The following IL15 variants were observed in gnomAD, a reference collection of about 807,000 sequenced individuals.
IL15 encodes interleukin-15.
IL15 carries 11 observed loss-of-function variants against 19.6 expected under a neutral mutation model. The observed-to-expected ratio is 0.56, with a 90% CI of 0.35 to 0.93. The LOEUF is 0.93. IL15 is among the 40% of genes least tolerant of loss of function. IL15 has a pLI of 0.01. For synonymous variants in IL15, 58 were observed against 59.6 expected (o/e 0.97, Z 0.12); for missense variants, 197 against 186.5 (o/e 1.06, Z -0.33).
chr4:141,702,393 A>C (rs1440306238), intron 2 of IL15, among the ~76,000 whole-genome samples: 1 of 152,212 alleles, frequency 6.6e-6, no homozygotes, highest in Non-Finnish European at 1.5e-5. Context: ...CAAAGGATCC[A>C]GTGATGTGAC....
chr4:141,681,598 C>T (rs1728534454), intron 2 of IL15, among the ~76,000 whole-genome samples: 1 of 152,098 alleles, frequency 6.6e-6, no homozygotes, highest in South Asian at 2.1e-4. Flanking sequence ...TCTAGCATGA[C>T]AGTGGGTACC....
chr4:141,651,246 CAGCCATAAAAATATTA>C (rs1382738450), intron 1 of IL15, among the ~76,000 whole-genome samples: 3 of 151,658 alleles, frequency 2.0e-5, no homozygotes, highest in Non-Finnish European at 2.9e-5. Context: ...AAATACTATT[CAGCCATAAAAATATTA>C]AAATCACGTC....
At chr4:141,710,601 G>A (rs892755642) in intron 2 of IL15, among the ~76,000 whole-genome samples, 1 of 151,798 alleles carries the variant, frequency 6.6e-6, no homozygotes, top group Non-Finnish European at 1.5e-5. Context: ...AATGATTACT[G>A]GTATGTTTAG....
intron 2 of IL15, chr4:141,719,065 T>C (rs1319787232): frequency 6.0e-6 from 1 of 165,540 alleles, no homozygotes; most frequent in Non-Finnish European, 1.3e-5. Context: ...TTTACTAGTA[T>C]GACTCTGGAA....
chr4:141,641,579 A>G (rs1025772375), intron 1 of IL15, among the ~76,000 whole-genome samples: 2 of 151,896 alleles, frequency 1.3e-5, no homozygotes, highest in Middle Eastern at 3.4e-3. Flanking sequence ...TTCTCAGCAA[A>G]CTATTGCAAG....
At chr4:141,687,419 T>C (rs1236852609) in intron 2 of IL15, among the ~76,000 whole-genome samples, 2 of 152,332 alleles carry the variant, frequency 1.3e-5, no homozygotes, top group East Asian at 3.9e-4. Context: ...GCCTGCCTGC[T>C]GACAGCATCT....
chr4:141,712,933 A>AT (rs570520365), intron 2 of IL15, among the ~76,000 whole-genome samples: 30 of 150,768 alleles, frequency 2.0e-4, no homozygotes, highest in South Asian at 4.2e-4. Flanking sequence ...TTACCTAATC[A>AT]TTTTTTTTTG....
intron 2 of IL15, among the ~76,000 whole-genome samples, chr4:141,690,599 C>G (rs796709373): frequency 3.9e-5 from 6 of 152,284 alleles, no homozygotes; most frequent in African/African-American, 1.4e-4. Flanking sequence ...GGTTCTTATG[C>G]GGACTACTAC....
chr4:141,722,410 G>A (rs1007249703), intron 5 of IL15, among the ~76,000 whole-genome samples: 12 of 152,066 alleles, frequency 7.9e-5, no homozygotes, highest in Non-Finnish European at 1.5e-4. Flanking sequence ...GCCATAGCAG[G>A]TAATACCAGC....
chr4:141,708,041 A>G (rs1337772613), intron 2 of IL15, among the ~76,000 whole-genome samples: 2 of 152,198 alleles, frequency 1.3e-5, no homozygotes, highest in Non-Finnish European at 2.9e-5. Context: ...CAGCAAGGCC[A>G]TGCAGCTCTG....
intron 1 of IL15, among the ~76,000 whole-genome samples, chr4:141,639,199 C>T (rs1237515497): frequency 2.0e-5 from 3 of 152,220 alleles, no homozygotes; most frequent in South Asian, 2.1e-4. Flanking sequence ...GGAATTCCAA[C>T]TGAGACAAGT....
At chr4:141,669,200 A>C (rs987007196) in intron 2 of IL15, among the ~76,000 whole-genome samples, 5 of 152,226 alleles carry the variant, frequency 3.3e-5, no homozygotes, top group Non-Finnish European at 5.9e-5. Context: ...TCTGTTAGCT[A>C]ATACCAAATA....
chr4:141,720,963 T>G (rs1397352239), intron 4 of IL15: 2 of 584,220 alleles, frequency 3.4e-6, no homozygotes, highest in Non-Finnish European at 6.0e-6. Flanking sequence ...CCTAGTTCAG[T>G]TTAAAACATT....
rs999514721 is a variant in IL15, at chr4:141,721,472, TA to T, written c.111-444del. The stretch of plus-strand genomic sequence containing the variant: ...TGAAAGGGGCATGTTTAATGTAGTG[TA>T]AAAAAAATTTACTATCAAAATCATT... On this transcript the variant is annotated intron_variant, in intron 4 of 7. Coordinates refer to ENST00000320650, the MANE Select transcript of IL15 (RefSeq NM_000585.5). The T allele has an allele frequency of 7.8e-5, 45 of 576,372 alleles. 1 individual carries two copies. Among genetic ancestry groups the T allele is most frequent in the East Asian group, 2.0e-4 (5 of 25,482 alleles). The allele number at this position is 576,372 out of a possible 1,614,324, so 35.7% of individuals were successfully genotyped here. A position where few individuals can be genotyped will look rare whatever the true frequency, so the allele number is the denominator to read the frequency against.
Position 141,733,819 on chromosome 4 carries a change from AT to A in IL15, c.*972del, listed in dbSNP as rs1730534554. 1 of 152,210 alleles carries A rather than the reference AT, an allele frequency of 6.6e-6. No homozygotes were observed. The highest frequency in any genetic ancestry group is 1.5e-5 in the Non-Finnish European group (1 of 68,030). 9.4% of individuals were successfully genotyped at this position (152,210 alleles called of 1,614,324 possible). A position where few individuals can be genotyped will look rare whatever the true frequency, so the allele number is the denominator to read the frequency against. Reference sequence around the variant, plus strand: ...TTCACATTCTTTTTGCCATGTTTATATAATAATAAAGAAAAACCCTGTTGAT... The same window carrying A: ...TTCACATTCTTTTTGCCATGTTTATAAATAATAAAGAAAAACCCTGTTGAT... On this transcript the variant is annotated 3_prime_UTR_variant, in exon 8 of 8. Coordinates refer to ENST00000320650, the MANE Select transcript of IL15 (RefSeq NM_000585.5).
chr4:141,682,149 A>G (rs1436513897), intron 2 of IL15, among the ~76,000 whole-genome samples: 1 of 152,196 alleles, frequency 6.6e-6, no homozygotes, highest in Non-Finnish European at 1.5e-5. Context: ...TGTTTATTCT[A>G]AACTGTGATC....
chr4:141,673,331 A>G (rs763307727), intron 2 of IL15, among the ~76,000 whole-genome samples: 2 of 152,214 alleles, frequency 1.3e-5, no homozygotes, highest in Admixed American at 1.3e-4. Flanking sequence ...CTTTGTAAGT[A>G]TCTAAATAGT....
At chr4:141,695,823 A>G (rs532836266) in intron 2 of IL15, among the ~76,000 whole-genome samples, 28 of 152,144 alleles carry the variant, frequency 1.8e-4, no homozygotes, top group Non-Finnish European at 2.8e-4. Context: ...TAAATTCACT[A>G]TATATTCAGG....
chr4:141,656,931 A>C (rs1234902429), intron 2 of IL15, among the ~76,000 whole-genome samples: 1 of 152,212 alleles, frequency 6.6e-6, no homozygotes, highest in South Asian at 2.1e-4. Context: ...GGTCAAGTTC[A>C]GTCTCGATAA....
Sources: allele counts gnomAD v4.1 joint callset (sites outside exome capture counted in the v4.1 genomes callset), GRCh38; gene constraint gnomAD v4.1.1; transcripts MANE v1.5; gene names NCBI Gene and HGNC (gene_info 2026-07-23, HGNC 2026-07-21).